The following GOT2 variants were observed in gnomAD, a reference collection of about 807,000 sequenced individuals.
GOT2 encodes the protein aspartate aminotransferase, mitochondrial.
A neutral mutation model predicts 50.0 loss-of-function variants in GOT2; 17 were observed. That is an observed-to-expected ratio of 0.34 (90% CI 0.23 to 0.51). The LOEUF is 0.51. Ranked by LOEUF, GOT2 falls within the 20% of genes least tolerant of loss-of-function variation. The pLI is 0.97. For synonymous variants in GOT2, 172 were observed against 204.9 expected (o/e 0.84, Z 1.37); for missense variants, 430 against 559.6 (o/e 0.77, Z 2.34).
At chr16:58,713,058 C>T (rs528801442) in intron 8 of GOT2, among the ~76,000 whole-genome samples, 132 of 152,252 alleles carry the variant, frequency 8.7e-4, no homozygotes, top group African/African-American at 3.0e-3. Flanking sequence ...AAGATTGTGC[C>T]ATTGCACTCC....
At position 58,722,264 on chromosome 16, in the gene GOT2, A is replaced by C. The variant is rs754071666; in HGVS notation, c.261T>G (p.Ile87Met). 1 of 1,613,752 alleles carries C rather than the reference A, an allele frequency of 6.2e-7. No individual in the cohort carries two copies. The highest frequency in any genetic ancestry group is 8.5e-7 in the Non-Finnish European group (1 of 1,179,860). Residue 87 changes from isoleucine (I) to methionine (M), a missense_variant, in exon 3 of 10, where the codon ATT (isoleucine) becomes ATG (methionine). By Grantham distance (10) the Ile-to-Met change is conservative. Coordinates refer to ENST00000245206, the MANE Select transcript of GOT2 (RefSeq NM_002080.4). The part of the protein sequence containing the change: ...LPSVRKAEAQ[I>M]AAKNLDKEYL... ...ATTCCTTGTCCAAATTTTTTGCGGC[A>C]ATCTGGGCCTCTGCCTAGACAAGAG... is the stretch of plus-strand genomic sequence containing the variant.
chr16:58,732,378 G>A (rs534765140), intron 1 of GOT2, among the ~76,000 whole-genome samples: 55 of 152,142 alleles, frequency 3.6e-4, no homozygotes, highest in Non-Finnish European at 6.6e-4. Flanking sequence ...AAGATTAGTC[G>A]AGAGAAGGAA....
chr16:58,729,411 C>T (rs561367129), intron 1 of GOT2, among the ~76,000 whole-genome samples: 6 of 149,726 alleles, frequency 4.0e-5, no homozygotes, highest in African/African-American at 1.5e-4. Context: ...CCTGTAGTCC[C>T]AGCTACTCAG....
chr16:58,718,409 C>T, intron 5 of GOT2, 109 bp from the exon 6 acceptor site: 1 of 1,324,414 alleles, frequency 7.6e-7, no homozygotes. Flanking sequence ...TAACCAGAAC[C>T]CTGGGAATCA....
intron 1 of GOT2, among the ~76,000 whole-genome samples, chr16:58,726,517 C>T (rs957386837): frequency 3.6e-4 from 21 of 57,686 alleles, no homozygotes; most frequent in Admixed American, 2.0e-3. Flanking sequence ...ATTTTTGAGA[C>T]GGAGTCTTGC....
Position 58,722,228 on chromosome 16 carries a change from A to G in GOT2, c.297T>C (p.Ile99=), listed in dbSNP as rs1487805090. 6.2e-7 allele frequency: 1 copy of G among 1,613,134 alleles called. No individual in the cohort carries two copies. Among genetic ancestry groups the G allele is most frequent in the Non-Finnish European group, 8.5e-7 (1 of 1,179,918 alleles). ...AKNLDKEYLP[I]GGLAEFCKAS... The stretch of plus-strand genomic sequence containing the variant: ...CCTTGCAAAATTCAGCCAGTCCCCC[A>G]ATGGGCAGGTATTCCTTGTCCAAAT... The change falls in exon 3 of 10, where the codon ATT becomes ATC. Residue 99 remains isoleucine, a synonymous_variant. Transcript: ENST00000245206.
intron 8 of GOT2, among the ~76,000 whole-genome samples, chr16:58,710,106 C>T (rs138970774): frequency 2.2e-3 from 330 of 152,250 alleles, no homozygotes; most frequent in Middle Eastern, 6.8e-3. Flanking sequence ...CCATGTTGCG[C>T]GGTTTGGTTA....
At chr16:58,728,217 T>A (rs1235256889) in intron 1 of GOT2, among the ~76,000 whole-genome samples, 4 of 152,218 alleles carry the variant, frequency 2.6e-5, no homozygotes, top group Admixed American at 6.5e-5. Flanking sequence ...ATGTTTCTTT[T>A]AATAGTTTGC....
intron 1 of GOT2, among the ~76,000 whole-genome samples, chr16:58,724,803 A>C (rs945029739): frequency 2.0e-5 from 3 of 152,134 alleles, no homozygotes; most frequent in Non-Finnish European, 4.4e-5. Flanking sequence ...GGCCTCCCAA[A>C]GTGCTGGGAT....
chr16:58,716,880 T>A, intron 6 of GOT2, 67 bp from the exon 7 acceptor site: 2 of 1,475,898 alleles, frequency 1.4e-6, no homozygotes, highest in Non-Finnish European at 1.9e-6. Context: ...TTTATAAAAG[T>A]CTGAAAGATG....
In GOT2 at chr16:58,719,210, C is replaced by T. The variant is rs1277490221; in HGVS notation, c.421G>A (p.Gly141Arg). Residue 141 changes from glycine to arginine, a missense_variant, in exon 4 of 10, where the codon GGA becomes AGA. Transcript: ENST00000245206. ...TCCAGACTCACCAGAAAACTGGCTC[C>T]GATCCTTAAGGCTCCAGTTCCAGAA... ...TISGTGALRIGASFLQRFFKF... is the reference protein window; with the variant it reads ...TISGTGALRIRASFLQRFFKF... 1.9e-6 allele frequency: 3 copies of T among 1,612,862 alleles called. No homozygotes were observed. Among genetic ancestry groups the T allele is most frequent in the South Asian group, 1.1e-5 (1 of 91,056 alleles).
chr16:58,719,060 T>G, intron 4 of GOT2, 136 bp downstream of exon 4: 2 of 686,506 alleles, frequency 2.9e-6, no homozygotes, highest in South Asian at 3.4e-5. Context: ...CTTTCATTTT[T>G]TCATGAGAAT....
chr16:58,730,562 G>C (rs1477147573), intron 1 of GOT2, among the ~76,000 whole-genome samples: 1 of 151,950 alleles, frequency 6.6e-6, no homozygotes, highest in Non-Finnish European at 1.5e-5. Flanking sequence ...ATGGGGTTGT[G>C]CCATATTGCC....
intron 8 of GOT2, among the ~76,000 whole-genome samples, chr16:58,712,560 T>C (rs1403013793): frequency 6.6e-6 from 1 of 151,796 alleles, no homozygotes; most frequent in Non-Finnish European, 1.5e-5. Flanking sequence ...AACAAGAAAG[T>C]CATGTGTGTA....
At chr16:58,734,020 T>G (rs1292485124) in intron 1 of GOT2, 120 bp downstream of exon 1, 1 of 456,140 alleles carries the variant, frequency 2.2e-6, no homozygotes, top group Non-Finnish European at 3.6e-6. Flanking sequence ...AAAGTGTGTG[T>G]GTGTGCGTGT....
chr16:58,719,704 G>A (rs776655001), intron 3 of GOT2, among the ~76,000 whole-genome samples: 41 of 152,118 alleles, frequency 2.7e-4, no homozygotes, highest in Non-Finnish European at 4.4e-4. Flanking sequence ...GCAGTGAGCC[G>A]AGACTGTGCC....
intron 8 of GOT2, among the ~76,000 whole-genome samples, chr16:58,712,572 C>T (rs1417911970): frequency 6.6e-6 from 1 of 152,156 alleles, no homozygotes; most frequent in East Asian, 1.9e-4. Flanking sequence ...ATGTGTGTAT[C>T]TTTCTCATCA....
At chr16:58,722,029 C>T (rs766861219) in intron 3 of GOT2, 121 bp downstream of exon 3, 4 of 1,080,010 alleles carry the variant, frequency 3.7e-6, no homozygotes, top group Non-Finnish European at 5.5e-6. Flanking sequence ...AACCACCCGC[C>T]TTGGCCTCCC....
At chr16:58,712,568 G>A (rs141181745) in intron 8 of GOT2, among the ~76,000 whole-genome samples, 515 of 152,250 alleles carry the variant, frequency 3.4e-3, no homozygotes, top group African/African-American at 0.012. Flanking sequence ...AGTCATGTGT[G>A]TATCTTTCTC....
Sources: gnomAD v4.1 joint callset for allele counts (sites outside exome capture counted in the v4.1 genomes callset) on GRCh38, gnomAD v4.1.1 for gene constraint, MANE v1.5 for transcripts, NCBI Gene and HGNC (gene_info 2026-07-23, HGNC 2026-07-21) for gene names.